MYZAP: variants seen among roughly 807,000 people sequenced by gnomAD.
MYZAP encodes the protein myocardial zonula adherens protein, also known as GRINL1A complex locus upstream.
MYZAP carries 66 observed loss-of-function variants against 69.4 expected under a neutral mutation model. That is an observed-to-expected ratio of 0.95 (90% CI 0.78 to 1.17). MYZAP has a LOEUF of 1.17. Among genes scored for constraint, MYZAP ranks in the 50% most tolerant of loss-of-function variants. The probability of loss-of-function intolerance (pLI) is 0.00; values close to 1 mark genes in which losing one functional copy is unlikely to be tolerated. For synonymous variants in MYZAP, 256 were observed against 205.9 expected, an observed-to-expected ratio of 1.24 and a Z score of -2.09; for missense variants, 611 against 556.2, an observed-to-expected ratio of 1.10 and a Z score of -0.99.
intron 1 of MYZAP, chr15:57,599,432 T>C: frequency 8.8e-7 from 1 of 1,136,018 alleles, no homozygotes; most frequent in African/African-American, 1.6e-5. Flanking sequence ...AGTAACTGAG[T>C]AATAAAGTAT....
chr15:57,637,632 A>C, intron 8 of MYZAP, 63 bp from the exon 9 acceptor site: 1 of 1,563,298 alleles, frequency 6.4e-7, no homozygotes, highest in Non-Finnish European at 8.7e-7. Flanking sequence ...AGAATTGCTA[A>C]ATAGACATTC....
chr15:57,624,151 C>T (rs2035986157), intron 4 of MYZAP, among the ~76,000 whole-genome samples: 1 of 152,140 alleles, frequency 6.6e-6, no homozygotes, highest in Non-Finnish European at 1.5e-5. Flanking sequence ...TAACCTTCTT[C>T]TAGTTTAGCC....
intron 2 of MYZAP, among the ~76,000 whole-genome samples, chr15:57,607,034 C>T (rs1292010733): frequency 6.6e-6 from 1 of 152,192 alleles, no homozygotes. Context: ...CTGCTCCTCT[C>T]CCTGCCTGTC....
intron 4 of MYZAP, among the ~76,000 whole-genome samples, chr15:57,623,184 AGG>A: frequency 6.6e-6 from 1 of 152,322 alleles, no homozygotes. Flanking sequence ...AGAGTGGGTC[AGG>A]ACATTGTTCA....
At chr15:57,673,835 G>A (rs2038991922) in intron 11 of MYZAP, among the ~76,000 whole-genome samples, 1 of 152,124 alleles carries the variant, frequency 6.6e-6, no homozygotes, top group African/African-American at 2.4e-5. Flanking sequence ...GTGTTACCTA[G>A]TGTCTTAGAA....
rs1489703626 is a variant in MYZAP at position 57,629,836 on chromosome 15, C to T, written c.660C>T (p.Asn220=). ...AGTTGGAGGTAGCGCAAGTTGAAAA[C>T]CAGCTGCTAAAAATGAAGGTGGAGT... is the stretch of plus-strand genomic sequence containing the variant. ...QRQLEVAQVE[N]QLLKMKVESS... The change falls in exon 6 of 13, where the codon AAC becomes AAT. Residue 220 remains asparagine (N), a synonymous_variant. Coordinates refer to ENST00000267853, the MANE Select transcript of MYZAP (RefSeq NM_001018100.5). 1.7e-5 allele frequency: 27 copies of T among 1,613,342 alleles called. No individual in the cohort carries two copies. Among genetic ancestry groups the T allele is most frequent in the Non-Finnish European group, 2.2e-5 (26 of 1,179,848 alleles).
intron 5 of MYZAP, among the ~76,000 whole-genome samples, chr15:57,626,639 C>G (rs1442249094): frequency 1.3e-5 from 2 of 152,236 alleles, no homozygotes; most frequent in Non-Finnish European, 2.9e-5. Context: ...GTTTTTACCT[C>G]TCCTCCAAAT....
intron 5 of MYZAP, among the ~76,000 whole-genome samples, chr15:57,629,075 T>G (rs1230769096): frequency 1.5e-5 from 2 of 129,382 alleles, no homozygotes; most frequent in African/African-American, 5.9e-5. Context: ...AGAGTAAGGC[T>G]CTGTCTCAAA....
chr15:57,670,471 A>G (rs1173571866), intron 11 of MYZAP, among the ~76,000 whole-genome samples: 1 of 152,078 alleles, frequency 6.6e-6, no homozygotes, highest in Non-Finnish European at 1.5e-5. Flanking sequence ...CAACTGATTT[A>G]TATCTCTGTA....
intron 2 of MYZAP, among the ~76,000 whole-genome samples, chr15:57,615,566 C>T (rs1162117884): frequency 6.6e-6 from 1 of 152,210 alleles, no homozygotes; most frequent in Admixed American, 6.5e-5. Context: ...TCACCAAAGC[C>T]TTGTGTTGTC....
intron 1 of MYZAP, among the ~76,000 whole-genome samples, chr15:57,597,863 T>C (rs1249851407): frequency 1.3e-5 from 2 of 152,210 alleles, no homozygotes; most frequent in African/African-American, 4.8e-5. Context: ...TGCAGGCTCC[T>C]GGGATTTGAT....
chr15:57,641,419 T>A (rs2140472370), intron 10 of MYZAP, among the ~76,000 whole-genome samples: 1 of 152,298 alleles, frequency 6.6e-6, no homozygotes, highest in East Asian at 1.9e-4. Flanking sequence ...TGTGTATACA[T>A]ATGTATATGT....
chr15:57,637,614 C>T (rs1478256955), intron 8 of MYZAP, 81 bp from the exon 9 acceptor site: 6 of 1,494,070 alleles, frequency 4.0e-6, no homozygotes, highest in East Asian at 2.4e-5. Flanking sequence ...CTTGGACTCC[C>T]TAGTGCTAGA....
chr15:57,592,157 G>T, intron 1 of MYZAP, 48 bp downstream of exon 1: 1 of 1,275,332 alleles, frequency 7.8e-7, no homozygotes, highest in South Asian at 2.5e-5. Context: ...CCCCATCCCG[G>T]CCGCCCCCTC....
intron 8 of MYZAP, among the ~76,000 whole-genome samples, chr15:57,636,092 T>A (rs2036801310): frequency 6.6e-6 from 1 of 152,242 alleles, no homozygotes; most frequent in Non-Finnish European, 1.5e-5. Context: ...GTGCTGTAAG[T>A]TAGACCTTGC....
chr15:57,632,432 A>G lies in MYZAP; in HGVS notation c.679-2A>G. The G allele has an allele frequency of 1.2e-6, 2 of 1,614,114 alleles. No individual in the cohort carries two copies. The highest frequency in any genetic ancestry group is 1.7e-6 in the Non-Finnish European group (2 of 1,179,978). ...GTCGTTCTGAAATGAGTCTCGTTGT[A>G]GGTGGAATCGTCCCAAGAAGCCAAT... On this transcript the variant is annotated splice_acceptor_variant, in intron 6 of 12. Coordinates refer to ENST00000267853, the MANE Select transcript of MYZAP (RefSeq NM_001018100.5). LOFTEE classifies it high-confidence loss of function.
chr15:57,591,920 A>T lies in MYZAP; in HGVS notation c.-115A>T. The stretch of plus-strand genomic sequence containing the variant: ...CCCCCGGGCCTTCGCGGTGCAGCTG[A>T]GGCTGCAAGTAGCCGGCGCCGTCCC... On this transcript the variant is annotated 5_prime_UTR_variant, in exon 1 of 13. Transcript: ENST00000267853. 1.1e-6 allele frequency: 1 copy of T among 920,778 alleles called. No individual in the cohort carries two copies. Among genetic ancestry groups the T allele is most frequent in the Non-Finnish European group, 1.4e-6 (1 of 720,594 alleles). The allele number at this position is 920,778 out of a possible 1,614,324, so 57.0% of individuals were successfully genotyped here.
At chr15:57,632,384 T>A (rs780077860) in intron 6 of MYZAP, 50 bp from the exon 7 acceptor site, 1 of 1,611,162 alleles carries the variant, frequency 6.2e-7, no homozygotes, top group East Asian at 2.2e-5. Flanking sequence ...AAGCTGCCAA[T>A]TCCTCTGGGC....
chr15:57,632,636 G>C (rs2036577559), intron 7 of MYZAP, 77 bp downstream of exon 7: 1 of 1,572,412 alleles, frequency 6.4e-7, no homozygotes. Flanking sequence ...ATACGTAGTA[G>C]TGTTTATTCT....
Sources: allele counts gnomAD v4.1 joint callset (sites outside exome capture counted in the v4.1 genomes callset), GRCh38; gene constraint gnomAD v4.1.1; transcripts MANE v1.5; gene names NCBI Gene and HGNC (gene_info 2026-07-23, HGNC 2026-07-21).